The following IL1RAPL1 variants were observed in gnomAD, a reference collection of about 807,000 sequenced individuals.
The protein encoded by IL1RAPL1 is interleukin 1 receptor accessory protein like 1.
A neutral mutation model predicts 48.4 loss-of-function variants in IL1RAPL1; 3 were observed. That is an observed-to-expected ratio of 0.06 (90% CI 0.03 to 0.16). The LOEUF is 0.16. Ranked by LOEUF, IL1RAPL1 falls within the 10% of genes least tolerant of loss-of-function variation. The pLI is 1.00. For missense variants in IL1RAPL1, 349 were observed against 530.6 expected, an observed-to-expected ratio of 0.66 and a Z score of 3.36; for synonymous variants, 185 against 187.7, an observed-to-expected ratio of 0.99 and a Z score of 0.12.
chrX:29,319,810 A>C (rs1932791973), intron 3 of IL1RAPL1, among the ~76,000 whole-genome samples: 1 of 111,283 alleles, frequency 9.0e-6, no homozygotes, highest in Admixed American at 9.6e-5. Flanking sequence ...GATTAATGAC[A>C]AATTCCTTTC....
chrX:29,133,357 T>C (rs886258552), intron 2 of IL1RAPL1, among the ~76,000 whole-genome samples: 6 of 112,390 alleles, frequency 5.3e-5, no homozygotes, highest in African/African-American at 1.9e-4. Context: ...AGTGTTGCTT[T>C]CTTGCTCCAG....
At chrX:29,943,422 G>T (rs1350370502) in intron 9 of IL1RAPL1, among the ~76,000 whole-genome samples, 2 of 111,790 alleles carry the variant, frequency 1.8e-5, no homozygotes, top group African/African-American at 6.5e-5. Flanking sequence ...GACTTTCAGA[G>T]GTTAAATAAC....
At chrX:29,509,981 T>G (rs1214325023) in intron 5 of IL1RAPL1, among the ~76,000 whole-genome samples, 1 of 112,114 alleles carries the variant, frequency 8.9e-6, no homozygotes, top group African/African-American at 3.2e-5. Context: ...ACTGTCAGTT[T>G]AAACTGAGGA....
chrX:28,882,814 T>C (rs772331051), intron 2 of IL1RAPL1, among the ~76,000 whole-genome samples: 2 of 112,122 alleles, frequency 1.8e-5, no homozygotes, highest in African/African-American at 6.5e-5. Context: ...AATATTAAAA[T>C]TTTTGATAAA....
chrX:29,891,404 GTCACTATTAGTCT>G (rs1271402642), intron 6 of IL1RAPL1, among the ~76,000 whole-genome samples: 2 of 111,322 alleles, frequency 1.8e-5, no homozygotes, highest in African/African-American at 3.3e-5. Context: ...ACTAATGGTG[GTCACTATTAGTCT>G]TCACTGACAG....
intron 2 of IL1RAPL1, among the ~76,000 whole-genome samples, chrX:29,112,561 C>T (rs969430919): frequency 9.2e-6 from 1 of 108,981 alleles, no homozygotes; most frequent in African/African-American, 3.3e-5. Flanking sequence ...AGTAACTACC[C>T]TGGTCCTGTA....
At chrX:29,861,549 AGC>A (rs1931584271) in intron 6 of IL1RAPL1, among the ~76,000 whole-genome samples, 3 of 111,138 alleles carry the variant, frequency 2.7e-5, no homozygotes. Flanking sequence ...GTAGAAATAT[AGC>A]ATCCAAAATA....
intron 3 of IL1RAPL1, among the ~76,000 whole-genome samples, chrX:29,386,297 G>A (rs374584896): frequency 1.8e-5 from 2 of 111,027 alleles, no homozygotes; most frequent in Non-Finnish European, 3.8e-5. Context: ...CAAAGTGCTG[G>A]GATTACAGAT....
intron 2 of IL1RAPL1, among the ~76,000 whole-genome samples, chrX:28,803,972 A>G (rs367563020): frequency 8.9e-6 from 1 of 112,537 alleles, no homozygotes; most frequent in East Asian, 2.8e-4. Flanking sequence ...AATATGATTT[A>G]TCTTTATTAA....
intron 1 of IL1RAPL1, among the ~76,000 whole-genome samples, chrX:28,765,363 G>A (rs1936224061): frequency 9.0e-6 from 1 of 111,189 alleles, no homozygotes; most frequent in African/African-American, 3.3e-5. Flanking sequence ...TGGCTCATGG[G>A]CTATTGTTTG....
At chrX:29,920,903 C>A (rs1251838260) in intron 8 of IL1RAPL1, among the ~76,000 whole-genome samples, 1 of 107,178 alleles carries the variant, frequency 9.3e-6, no homozygotes, top group African/African-American at 3.4e-5. Context: ...GAAGATTGCT[C>A]CTTTAGTGTA....
At chrX:28,846,405 G>A (rs1921509867) in intron 2 of IL1RAPL1, among the ~76,000 whole-genome samples, 1 of 111,777 alleles carries the variant, frequency 8.9e-6, no homozygotes, top group Non-Finnish European at 1.9e-5. Flanking sequence ...GGGTTTTTAT[G>A]TCAAAATACA....
At chrX:28,952,614 A>G (rs750717048) in intron 2 of IL1RAPL1, among the ~76,000 whole-genome samples, 1 of 111,367 alleles carries the variant, frequency 9.0e-6, no homozygotes, top group South Asian at 3.7e-4. Context: ...ATATCAGGAA[A>G]TACAATCTGC....
At chrX:29,699,857 ACAGT>A (rs775051841) in intron 6 of IL1RAPL1, among the ~76,000 whole-genome samples, 3 of 112,618 alleles carry the variant, frequency 2.7e-5, no homozygotes, top group Non-Finnish European at 5.6e-5. Context: ...GAGAATACTG[ACAGT>A]CAGCCTTTTT....
chrX:29,350,219 A>G (rs936835949), intron 3 of IL1RAPL1, among the ~76,000 whole-genome samples: 1 of 78,550 alleles, frequency 1.3e-5, no homozygotes, highest in Admixed American at 1.4e-4. Context: ...ATATATATAT[A>G]TATATGCTAA....
chrX:29,572,303 T>C (rs1922619298), intron 5 of IL1RAPL1, among the ~76,000 whole-genome samples: 2 of 111,943 alleles, frequency 1.8e-5, no homozygotes, highest in South Asian at 7.3e-4. Flanking sequence ...GGATGTGAAG[T>C]ATTATTTATT....
At chrX:29,285,122 G>GT (rs2147601224) in intron 3 of IL1RAPL1, among the ~76,000 whole-genome samples, 1 of 111,449 alleles carries the variant, frequency 9.0e-6, no homozygotes, top group East Asian at 2.8e-4. Flanking sequence ...TATTATTGAT[G>GT]GAAAAATAAT....
intron 2 of IL1RAPL1, among the ~76,000 whole-genome samples, chrX:29,206,086 A>C (rs1228914763): frequency 9.0e-6 from 1 of 111,566 alleles, no homozygotes; most frequent in Non-Finnish European, 1.9e-5. Flanking sequence ...TTAGTACTGA[A>C]TAAGTACTAG....
rs1293281363 is a variant in IL1RAPL1, at chrX:29,413,483, T to A, written c.703+14175T>A. Among the ~76,000 whole-genome samples the A allele has an allele frequency of 9.3e-5, 10 of 107,276 alleles. No individual in the cohort carries two copies. The East Asian group carries it at 2.9e-3, about 31-fold the overall frequency. 93.2% of individuals were successfully genotyped at this position (107,276 alleles called of 115,157 possible). A position where few individuals can be genotyped will look rare whatever the true frequency, so the allele number is the denominator to read the frequency against. ...CTCGTCATTTAACATTAGGTATATC[T>A]CCTAATGCTATCCCTCCCCCCTACC... On this transcript the variant is annotated intron_variant, in intron 5 of 10. Transcript: ENST00000378993.
Sources: allele counts gnomAD v4.1 joint callset (sites outside exome capture counted in the v4.1 genomes callset), GRCh38; gene constraint gnomAD v4.1.1; transcripts MANE v1.5; gene names NCBI Gene and HGNC (gene_info 2026-07-23, HGNC 2026-07-21).